CCN4: variants seen among roughly 807,000 people sequenced by gnomAD.
The protein encoded by CCN4 is cellular communication network factor 4.
CCN4 carries 30 observed loss-of-function variants against 36.7 expected under a neutral mutation model. That is an observed-to-expected ratio of 0.82 (90% CI 0.61 to 1.11). The LOEUF is 1.11. Among genes scored for constraint, CCN4 ranks in the 50% least tolerant of loss-of-function variants. The pLI is 0.00. For synonymous variants in CCN4, 191 were observed against 195.4 expected, an observed-to-expected ratio of 0.98 and a Z score of 0.19; for missense variants, 505 against 504.9, an observed-to-expected ratio of 1.00 and a Z score of 0.00.
intron 1 of CCN4, among the ~76,000 whole-genome samples, chr8:133,197,350 T>C (rs1292845053): frequency 6.6e-6 from 1 of 152,108 alleles, no homozygotes; most frequent in African/African-American, 2.4e-5. Context: ...TGTTTAGGAC[T>C]CAGAGGGGGA....
chr8:133,211,230 C>T (rs1028404163), intron 1 of CCN4, among the ~76,000 whole-genome samples: 2 of 152,154 alleles, frequency 1.3e-5, no homozygotes, highest in African/African-American at 4.8e-5. Flanking sequence ...CAGCACTTTG[C>T]GTAGTAAATC....
In CCN4 at chr8:133,227,633, A is replaced by G. The variant is rs770830989; in HGVS notation, c.1027A>G (p.Asn343Asp). The part of the protein sequence containing the change: ...QVLWINACFC[N>D]LSCRNPNDIF... Reference sequence around the variant, plus strand: ...CCTATGGATTAATGCCTGCTTCTGTAACCTGAGCTGTAGGAATCCCAATGA... The same window carrying G: ...CCTATGGATTAATGCCTGCTTCTGTGACCTGAGCTGTAGGAATCCCAATGA... Residue 343 changes from asparagine (N) to aspartate (D), a missense_variant, in exon 5 of 5, where the codon AAC (asparagine) becomes GAC (aspartate). By Grantham distance (23) the Asn-to-Asp change is conservative (BLOSUM62 1). Transcript: ENST00000250160. 6.2e-7 allele frequency: 1 copy of G among 1,614,242 alleles called. No homozygotes were observed. The highest frequency in any genetic ancestry group is 2.2e-5 in the East Asian group (1 of 44,890).
intron 1 of CCN4, among the ~76,000 whole-genome samples, chr8:133,211,423 G>A (rs1854027241): frequency 1.3e-5 from 2 of 152,232 alleles, no homozygotes; most frequent in African/African-American, 4.8e-5. Flanking sequence ...ACCCAGAAGA[G>A]GCAAAAGTAG....
chr8:133,192,470 G>T (rs989600151), intron 1 of CCN4, among the ~76,000 whole-genome samples: 1 of 152,226 alleles, frequency 6.6e-6, no homozygotes, highest in African/African-American at 2.4e-5. Flanking sequence ...TTTCACAAAT[G>T]AAAGAAATGG....
rs1854884750 is a variant in CCN4 at position 133,229,705 on chromosome 8, A to C, written c.*1995A>C. 6.6e-6 allele frequency: 1 copy of C among 152,260 alleles called. No homozygotes were observed. 9.4% of individuals were successfully genotyped at this position (152,260 alleles called of 1,614,324 possible). ...ACTTGATGAATACAGGAAGCTGTGC[A>C]TGTGTTCCTACTTTTATTCGAAGCT... On this transcript the variant is annotated 3_prime_UTR_variant, in exon 5 of 5. Coordinates refer to ENST00000250160, the MANE Select transcript of CCN4 (RefSeq NM_003882.4).
intron 1 of CCN4, among the ~76,000 whole-genome samples, chr8:133,196,833 G>A (rs1853404299): frequency 1.3e-5 from 2 of 152,228 alleles, no homozygotes; most frequent in Non-Finnish European, 2.9e-5. Context: ...TCCAACTTGA[G>A]TGGATGCACC....
intron 1 of CCN4, among the ~76,000 whole-genome samples, chr8:133,202,818 G>A (rs1361786850): frequency 6.6e-6 from 1 of 152,226 alleles, no homozygotes; most frequent in Non-Finnish European, 1.5e-5. Flanking sequence ...GGATACAGGT[G>A]CCTAGGGGTG....
intron 1 of CCN4, among the ~76,000 whole-genome samples, chr8:133,201,800 G>A (rs749497978): frequency 5.9e-5 from 9 of 151,742 alleles, no homozygotes; most frequent in African/African-American, 9.7e-5. Context: ...CCGAGATCAC[G>A]CCACTGCACT....
chr8:133,220,787 G>A lies in CCN4; in HGVS notation c.556G>A (p.Glu186Lys), dbSNP rs1854495476. 1.2e-6 allele frequency: 2 copies of A among 1,611,926 alleles called. No homozygotes were observed. The highest frequency in any genetic ancestry group is 1.3e-5 in the African/African-American group (1 of 75,040). ...CCACTGCTGTGAGCAGTGGGTATGTGAGGACGACGCCAAGAGGCCACGCAA... is the reference window on the plus strand; with the variant it reads ...CCACTGCTGTGAGCAGTGGGTATGTAAGGACGACGCCAAGAGGCCACGCAA... ...PGHCCEQWVCEDDAKRPRKTA... is the reference protein window; with the variant it reads ...PGHCCEQWVCKDDAKRPRKTA... Residue 186 changes from glutamate to lysine, a missense_variant, in exon 3 of 5, where the codon GAG (glutamate) becomes AAG (lysine). By Grantham distance (56) the Glu-to-Lys change is moderately conservative. Coordinates refer to ENST00000250160, the MANE Select transcript of CCN4 (RefSeq NM_003882.4).
rs760709240 is a variant in CCN4 at position 133,220,841 on chromosome 8, G to A, written c.610G>A (p.Asp204Asn). The A allele has an allele frequency of 1.4e-5, 22 of 1,596,440 alleles. No homozygotes were observed. Among genetic ancestry groups the A allele is most frequent in the African/African-American group, 2.7e-5 (2 of 74,572 alleles). Residue 204 changes from aspartate to asparagine, a missense_variant and splice_region_variant, in exon 3 of 5, where the codon GAT becomes AAT. Asp to Asn is a conservative substitution (Grantham distance 23, BLOSUM62 1). Coordinates refer to ENST00000250160, the MANE Select transcript of CCN4 (RefSeq NM_003882.4). ...CGCACCCCGTGACACAGGAGCCTTC[G>A]GTGGGTGTGGGCCCGAGTGGGCTGG... ...KTAPRDTGAF[D>N]AVGEVEAWHR...
intron 1 of CCN4, among the ~76,000 whole-genome samples, chr8:133,210,855 C>T (rs932490433): frequency 5.9e-5 from 9 of 152,172 alleles, no homozygotes; most frequent in African/African-American, 9.7e-5. Context: ...CAGGAGAGTC[C>T]GCCCAGAGAA....
intron 3 of CCN4, among the ~76,000 whole-genome samples, chr8:133,223,955 G>C (rs1854627868): frequency 6.6e-6 from 1 of 152,262 alleles, no homozygotes; most frequent in South Asian, 2.1e-4. Context: ...TCCAAGAGTG[G>C]GTAGTTGAGT....
At position 133,224,233 on chromosome 8, in the gene CCN4, T is replaced by TCC. The variant is rs1335486016; in HGVS notation, c.611-1157_611-1156insCC. Among the ~76,000 whole-genome samples, 2 of 38,828 alleles carry TCC rather than the reference T, an allele frequency of 5.2e-5. 1 individual carries two copies. Among genetic ancestry groups the TCC allele is most frequent in the South Asian group, 1.8e-3 (2 of 1,096 alleles). The allele number at this position is 38,828 out of a possible 152,430, so 25.5% of individuals were successfully genotyped here. A position where few individuals can be genotyped will look rare whatever the true frequency, so the allele number is the denominator to read the frequency against. ...TGAATTTGAAGCCCGTAAGTCCTTTTTTTTTTTTTTTTTTTTTTTTTTTTT... is the reference window on the plus strand; with the variant it reads ...TGAATTTGAAGCCCGTAAGTCCTTTTCCTTTTTTTTTTTTTTTTTTTTTTTTT... On this transcript the variant is annotated intron_variant, in intron 3 of 4. Transcript: ENST00000250160.
At chr8:133,221,241 CT>C (rs890052738) in intron 3 of CCN4, among the ~76,000 whole-genome samples, 9 of 152,206 alleles carry the variant, frequency 5.9e-5, no homozygotes, top group African/African-American at 2.2e-4. Flanking sequence ...TTCCCCCTTG[CT>C]ATGAAGATGG....
chr8:133,204,457 A>G (rs2130551401), intron 1 of CCN4, among the ~76,000 whole-genome samples: 1 of 152,320 alleles, frequency 6.6e-6, no homozygotes. Context: ...CCAATGTTCT[A>G]AGGCAGTGGT....
chr8:133,213,096 G>A lies in CCN4; in HGVS notation c.302G>A (p.Cys101Tyr). 1 of 1,614,036 alleles carries A rather than the reference G, an allele frequency of 6.2e-7. No homozygotes were observed. Among genetic ancestry groups the A allele is most frequent in the Non-Finnish European group, 8.5e-7 (1 of 1,179,906 alleles). Residue 101 changes from cysteine (C) to tyrosine (Y), a missense_variant, in exon 2 of 5, where the codon TGT (cysteine) becomes TAT (tyrosine). Cys to Tyr is a radical substitution (Grantham distance 194). Coordinates refer to ENST00000250160, the MANE Select transcript of CCN4 (RefSeq NM_003882.4). ...TGTGACCCCCACCGGGGCCTCTACT[G>A]TGACTACAGCGGGGACCGCCCGAGG... is the stretch of plus-strand genomic sequence containing the variant. Reference protein sequence around the residue: ...AICDPHRGLYCDYSGDRPRYA... With the variant: ...AICDPHRGLYYDYSGDRPRYA...
At chr8:133,195,016 G>C (rs1853320967) in intron 1 of CCN4, among the ~76,000 whole-genome samples, 1 of 147,624 alleles carries the variant, frequency 6.8e-6, no homozygotes, top group South Asian at 2.2e-4. Context: ...TTGTGTGTGT[G>C]GTGTGTGGTA....
In CCN4 at chr8:133,204,955, G is replaced by T. The variant is rs873873; in HGVS notation, c.70-7909G>T. ...AATCCCAATGCCCAGGCTCCTCCCA[G>T]GCCCCTTAGGTTGGGATCTCTGAGT... On this transcript the variant is annotated intron_variant, in intron 1 of 4. Transcript: ENST00000250160. Among the ~76,000 whole-genome samples the T allele has an allele frequency of 1.1e-4, 16 of 152,302 alleles. No homozygotes were observed. The South Asian group carries it at 2.9e-3, about 28-fold the overall frequency.
chr8:133,194,090 C>A (rs1420186369), intron 1 of CCN4, among the ~76,000 whole-genome samples: 1 of 79,252 alleles, frequency 1.3e-5, no homozygotes, highest in Non-Finnish European at 3.5e-5. Flanking sequence ...TGTAATTCAG[C>A]AAACGAAAGC....
Sources: allele counts gnomAD v4.1 joint callset (sites outside exome capture counted in the v4.1 genomes callset), GRCh38; gene constraint gnomAD v4.1.1; transcripts MANE v1.5; gene names NCBI Gene and HGNC (gene_info 2026-07-23, HGNC 2026-07-21).